Variants in DLST observed in about 807,000 individuals in gnomAD.
DLST encodes the protein dihydrolipoamide S-succinyltransferase.
Under a neutral mutation model 53.1 loss-of-function variants are expected in DLST, and 17 were observed. The ratio of observed to expected loss-of-function variants is 0.32; its 90% CI spans 0.22 to 0.48. DLST has a LOEUF of 0.48. Among genes scored for constraint, DLST ranks in the 20% least tolerant of loss-of-function variants. DLST has a pLI of 0.99. For synonymous variants in DLST, 206 were observed against 204.8 expected, an observed-to-expected ratio of 1.01 and a Z score of -0.05; for missense variants, 512 against 583.9, an observed-to-expected ratio of 0.88 and a Z score of 1.27.
chr14:74,902,350 C>T lies in DLST; in HGVS notation c.*20C>T. On this transcript the variant is annotated 3_prime_UTR_variant, in exon 15 of 15. Transcript: ENST00000334220. The stretch of plus-strand genomic sequence containing the variant: ...CTTTAGGAGGAACCCACACACCCTA[C>T]AAGTTGATCATGCAGGAACTGAAAA... The T allele has an allele frequency of 6.3e-7, 1 of 1,596,284 alleles. No homozygotes were observed. Among genetic ancestry groups the T allele is most frequent in the Non-Finnish European group, 8.6e-7 (1 of 1,168,116 alleles).
At chr14:74,898,338 G>A (rs756400389) in intron 10 of DLST, 31 bp from the exon 11 acceptor site, 31 of 1,603,152 alleles carry the variant, frequency 1.9e-5, no homozygotes, top group Admixed American at 1.4e-4. Context: ...TGCAGGCTTT[G>A]TGGTCAGTTT....
intron 7 of DLST, chr14:74,891,889 G>T (rs1205241325): frequency 1.0e-6 from 1 of 984,088 alleles, no homozygotes; most frequent in Non-Finnish European, 1.2e-6. Flanking sequence ...AAACATGTAT[G>T]GTAGAAGGCT....
At chr14:74,882,668 G>T in intron 2 of DLST, 44 bp downstream of exon 2, 1 of 1,600,488 alleles carries the variant, frequency 6.2e-7, no homozygotes, top group Non-Finnish European at 8.6e-7. Context: ...CTCCTCCTGG[G>T]CAGAGCAGTA....
chr14:74,901,530 G>A (rs1489409422), intron 14 of DLST, among the ~76,000 whole-genome samples: 1 of 152,306 alleles, frequency 6.6e-6, no homozygotes, highest in East Asian at 1.9e-4. Flanking sequence ...TCTATGGAGT[G>A]GGGGATATAG....
chr14:74,899,846 C>G, intron 11 of DLST, 77 bp from the exon 12 acceptor site: 1 of 1,158,550 alleles, frequency 8.6e-7, no homozygotes, highest in Non-Finnish European at 1.3e-6. Flanking sequence ...GATTTTTACT[C>G]TGTTAATGCA....
chr14:74,900,458 A>G (rs1487452190), intron 13 of DLST, 86 bp downstream of exon 13: 3 of 1,229,924 alleles, frequency 2.4e-6, no homozygotes, highest in African/African-American at 3.0e-5. Context: ...AGCAGTGCTC[A>G]TGGAAAGTCA....
intron 10 of DLST, 132 bp from the exon 11 acceptor site, chr14:74,898,237 C>G: frequency 8.3e-7 from 1 of 1,207,932 alleles, no homozygotes; most frequent in Non-Finnish European, 1.2e-6. Flanking sequence ...TAGACTATTT[C>G]AAAACTTGAA....
chr14:74,898,859 TC>T (rs1420618619), intron 11 of DLST, among the ~76,000 whole-genome samples: 1 of 152,218 alleles, frequency 6.6e-6, no homozygotes, highest in Non-Finnish European at 1.5e-5. Context: ...GGGCCTGACT[TC>T]CACAGTTGGT....
chr14:74,895,715 C>T (rs1237408007), intron 10 of DLST, among the ~76,000 whole-genome samples: 11 of 152,100 alleles, frequency 7.2e-5, no homozygotes, highest in Non-Finnish European at 5.9e-5. Flanking sequence ...GCCTGGCCAA[C>T]GTGGTGAAAC....
At chr14:74,902,094 G>T in intron 14 of DLST, 102 bp from the exon 15 acceptor site, 1 of 1,266,792 alleles carries the variant, frequency 7.9e-7, no homozygotes, top group Non-Finnish European at 1.0e-6. Flanking sequence ...AATAGGAAAG[G>T]CTCTGGAATT....
intron 4 of DLST, 41 bp from the exon 5 acceptor site, chr14:74,889,234 A>G (rs1883813091): frequency 6.2e-7 from 1 of 1,607,852 alleles, no homozygotes; most frequent in Non-Finnish European, 8.5e-7. Context: ...TAAAAAGGAA[A>G]AATGAACTAC....
chr14:74,889,442 C>A, intron 5 of DLST, 93 bp downstream of exon 5: 1 of 1,037,700 alleles, frequency 9.6e-7, no homozygotes, highest in Non-Finnish European at 1.4e-6. Context: ...GATCTCGGCT[C>A]ACTGCAGCCT....
chr14:74,890,068 G>T, intron 6 of DLST, 116 bp downstream of exon 6: 43 of 553,548 alleles, frequency 7.8e-5, no homozygotes, highest in South Asian at 1.6e-4. Context: ...TCTAACTTCA[G>T]TTGTAAAATT....
intron 2 of DLST, 131 bp from the exon 3 acceptor site, chr14:74,885,455 A>T (rs1278181574): frequency 1.0e-6 from 1 of 953,560 alleles, no homozygotes; most frequent in East Asian, 2.4e-5. Flanking sequence ...GGACTCTATG[A>T]TAAAGATTAT....
Position 74,889,491 on chromosome 14 carries a change from C to T in DLST, c.274+142C>T, listed in dbSNP as rs1883826524. On this transcript the variant is annotated intron_variant, in intron 5 of 14. Transcript: ENST00000334220. Reference sequence around the variant, plus strand: ...TCAAGTGATTCTCCTGCCTCAGCCTCCCGAATAGCTGGGATTACAGGTGCC... The same window carrying T: ...TCAAGTGATTCTCCTGCCTCAGCCTTCCGAATAGCTGGGATTACAGGTGCC... 11 of 697,664 alleles carry T rather than the reference C, an allele frequency of 1.6e-5. No individual in the cohort carries two copies. In the South Asian group the frequency reaches 1.8e-4, roughly 11 times the overall value. 43.2% of individuals were successfully genotyped at this position (697,664 alleles called of 1,614,324 possible).
chr14:74,889,526 G>A (rs536772452), intron 5 of DLST, 177 bp downstream of exon 5: 10 of 591,796 alleles, frequency 1.7e-5, no homozygotes, highest in African/African-American at 1.3e-4. Flanking sequence ...CCACCACCAT[G>A]CCTGGCTAAG....
At chr14:74,882,713 A>G in intron 2 of DLST, 89 bp downstream of exon 2, 4 of 1,217,232 alleles carry the variant, frequency 3.3e-6, no homozygotes, top group Non-Finnish European at 4.8e-6. Context: ...GTTTCTCATA[A>G]TATTTAAAGA....
In DLST at chr14:74,898,400, G is replaced by C. The variant is rs1226859797; in HGVS notation, c.802G>C (p.Glu268Gln). ...NIQEMRARHK[E>Q]AFLKKHNLKL... ...CCAGGAGATGAGGGCTCGGCACAAA[G>C]AGGCTTTTTTGAAGAAACATAACCT... Residue 268 changes from glutamate (E) to glutamine (Q), a missense_variant, in exon 11 of 15, where the codon GAG becomes CAG. Physicochemically the swap from Glu to Gln is conservative, Grantham distance 29 (BLOSUM62 2). Transcript: ENST00000334220. 1 of 1,613,018 alleles carries C rather than the reference G, an allele frequency of 6.2e-7. No homozygotes were observed. Among genetic ancestry groups the C allele is most frequent in the South Asian group, 1.1e-5 (1 of 91,018 alleles).
intron 11 of DLST, among the ~76,000 whole-genome samples, chr14:74,899,442 G>C (rs919553647): frequency 6.6e-6 from 1 of 152,028 alleles, no homozygotes; most frequent in Non-Finnish European, 1.5e-5. Context: ...TCTTGAGGTA[G>C]CATATTTCAA....
Sources: allele counts gnomAD v4.1 joint callset (sites outside exome capture counted in the v4.1 genomes callset), GRCh38; gene constraint gnomAD v4.1.1; transcripts MANE v1.5; gene names NCBI Gene and HGNC (gene_info 2026-07-23, HGNC 2026-07-21).